NOP9: variants seen among roughly 807,000 people sequenced by gnomAD.
NOP9 encodes NOP9 nucleolar protein, also known as nucleolar protein 9.
Under a neutral mutation model 63.0 loss-of-function variants are expected in NOP9, and 50 were observed. The ratio of observed to expected loss-of-function variants is 0.79; its 90% CI spans 0.63 to 1.00. NOP9 has a LOEUF of 1.00. NOP9 is among the 50% of genes least tolerant of loss of function. NOP9 has a pLI of 0.00. For missense variants in NOP9, 758 were observed against 803.0 expected (o/e 0.94, Z 0.68); for synonymous variants, 343 against 332.8 (o/e 1.03, Z -0.33).
chr14:24,304,429 A>G, intron 8 of NOP9, 64 bp from the exon 9 acceptor site: 1 of 1,457,046 alleles, frequency 6.9e-7, no homozygotes, highest in South Asian at 1.2e-5. Context: ...TTCACTCTCC[A>G]CAAGCCTCCA....
At position 24,300,564 on chromosome 14, in the gene NOP9, C is replaced by A; in HGVS notation, c.404C>A (p.Thr135Asn). Residue 135 changes from threonine (T) to asparagine (N), a missense_variant, in exon 2 of 10, where the codon ACT becomes AAT. By Grantham distance (65) the Thr-to-Asn change is moderately conservative (BLOSUM62 0). Transcript: ENST00000267425. ...VWAALRSNLR[T>N]VACHRCGVHV... is the part of the protein sequence containing the mutation. ...GCTGCTCTGCGCTCTAACTTGCGCACTGTGGCCTGTCACCGATGCGGGGTC... is the reference window on the plus strand; with the variant it reads ...GCTGCTCTGCGCTCTAACTTGCGCAATGTGGCCTGTCACCGATGCGGGGTC... 1 of 1,614,242 alleles carries A rather than the reference C, an allele frequency of 6.2e-7. No individual in the cohort carries two copies. The highest frequency in any genetic ancestry group is 1.7e-5 in the Admixed American group (1 of 60,032).
the NOP9 span, chr14:24,271,557 C>T: frequency 0.17 from 27,880 of 160,410 alleles, 2,809 homozygotes; most frequent in African/African-American, 0.28. Flanking sequence ...CTGGCTAGAG[C>T]GGCGCCACGT....
At chr14:24,277,303 C>A in the NOP9 span, among the ~76,000 whole-genome samples, 1 of 152,096 alleles carries the variant, frequency 6.6e-6, no homozygotes, top group East Asian at 1.9e-4. Context: ...CCTGAGGCAA[C>A]AAGAAATCCT....
At chr14:24,301,846 A>C in intron 3 of NOP9, 119 bp from the exon 4 acceptor site, 1 of 1,448,548 alleles carries the variant, frequency 6.9e-7, no homozygotes, top group Admixed American at 1.7e-5. Flanking sequence ...TGACGTTCAG[A>C]GCACTTTGTA....
the NOP9 span, chr14:24,292,963 C>A: frequency 3.1e-6 from 2 of 641,008 alleles, no homozygotes; most frequent in Non-Finnish European, 4.9e-6. Context: ...GAAAACTGGT[C>A]AAAATAACCA....
At chr14:24,288,912 C>T in the NOP9 span, among the ~76,000 whole-genome samples, 1 of 151,768 alleles carries the variant, frequency 6.6e-6, no homozygotes, top group African/African-American at 2.4e-5. Flanking sequence ...TGATCACGCT[C>T]ACCAAGTCCT....
At chr14:24,281,242 C>T in the NOP9 span, among the ~76,000 whole-genome samples, 1 of 152,184 alleles carries the variant, frequency 6.6e-6, no homozygotes, top group Non-Finnish European at 1.5e-5. Context: ...GGGGCCGAGG[C>T]CAAGGACCGA....
the NOP9 span, among the ~76,000 whole-genome samples, chr14:24,281,655 G>A: frequency 6.6e-6 from 1 of 152,184 alleles, no homozygotes; most frequent in Admixed American, 6.5e-5. Flanking sequence ...GAAACTTCTA[G>A]GAGGTTGAGA....
At chr14:24,282,536 C>T in the NOP9 span, among the ~76,000 whole-genome samples, 1 of 152,158 alleles carries the variant, frequency 6.6e-6, no homozygotes, top group Non-Finnish European at 1.5e-5. Context: ...ACCTTTGCTC[C>T]CTCTTGCTTG....
Position 24,305,221 on chromosome 14 carries a change from G to GT in NOP9, c.*131dup. The GT allele has an allele frequency of 9.4e-7, 1 of 1,062,688 alleles. No individual in the cohort carries two copies. The highest frequency in any genetic ancestry group is 1.3e-6 in the Non-Finnish European group (1 of 789,704). 65.8% of individuals were successfully genotyped at this position (1,062,688 alleles called of 1,614,324 possible). A position where few individuals can be genotyped will look rare whatever the true frequency, so the allele number is the denominator to read the frequency against. ...AATATTTGATATTTTTATTGGAAATGTTTTTGTTAGTTTGAGGGGAAGGGT... is the reference window on the plus strand; with the variant it reads ...AATATTTGATATTTTTATTGGAAATGTTTTTTGTTAGTTTGAGGGGAAGGGT... On this transcript the variant is annotated 3_prime_UTR_variant, in exon 10 of 10. Transcript: ENST00000267425.
At chr14:24,299,773 A>T, upstream of NOP9, 1 of 688,844 alleles carries the variant, frequency 1.5e-6, no homozygotes, top group Non-Finnish European at 2.3e-6. Context: ...ATGGGGGCGG[A>T]GCGATCTGGG....
the NOP9 span, among the ~76,000 whole-genome samples, chr14:24,283,767 CT>C: frequency 6.6e-6 from 1 of 152,286 alleles, no homozygotes; most frequent in Non-Finnish European, 1.5e-5. Flanking sequence ...TGGAGCTCAG[CT>C]CTTTCCCCTA....
the NOP9 span, among the ~76,000 whole-genome samples, chr14:24,276,528 C>G: frequency 5.9e-5 from 9 of 152,130 alleles, no homozygotes; most frequent in Non-Finnish European, 8.8e-5. Flanking sequence ...GGCCTCCAAG[C>G]AATCATCCTG....
At chr14:24,301,784 A>G in intron 3 of NOP9, 62 bp downstream of exon 3, 1 of 1,567,142 alleles carries the variant, frequency 6.4e-7, no homozygotes, top group Non-Finnish European at 8.8e-7. Flanking sequence ...CTTACCACCA[A>G]GCAAGGCCCT....
chr14:24,307,835 G>A lies in NOP9; in HGVS notation c.*2740G>A. 1 of 1,595,570 alleles carries A rather than the reference G, an allele frequency of 6.3e-7. No homozygotes were observed. The highest frequency in any genetic ancestry group is 8.5e-7 in the Non-Finnish European group (1 of 1,170,722). Reference sequence around the variant, plus strand: ...GCAGTCACCTGAGTAAGTCACTGGGGTTCAGAGCTGAGAGGTACTCCATGG... The same window carrying A: ...GCAGTCACCTGAGTAAGTCACTGGGATTCAGAGCTGAGAGGTACTCCATGG... On this transcript the variant is annotated 3_prime_UTR_variant, in exon 10 of 10. Coordinates refer to ENST00000267425, the MANE Select transcript of NOP9 (RefSeq NM_174913.3).
At chr14:24,279,646 C>T in the NOP9 span, among the ~76,000 whole-genome samples, 1 of 152,184 alleles carries the variant, frequency 6.6e-6, no homozygotes, top group Admixed American at 6.5e-5. Flanking sequence ...ACTTCTTGAG[C>T]CAGCCAGAAC....
chr14:24,305,064 G>C lies in NOP9; in HGVS notation c.1880G>C (p.Arg627Thr). The C allele has an allele frequency of 6.3e-7, 1 of 1,580,312 alleles. No homozygotes were observed. The highest frequency in any genetic ancestry group is 1.2e-5 in the South Asian group (1 of 86,760). The change falls in exon 10 of 10, where the codon AGG becomes ACG. Residue 627 changes from arginine to threonine, a missense_variant. Physicochemically the swap from Arg to Thr is moderately conservative, Grantham distance 71. Coordinates refer to ENST00000267425, the MANE Select transcript of NOP9 (RefSeq NM_174913.3). Reference sequence around the variant, plus strand: ...CAGCAGGGTGCGGTGGCCAAGCGGAGGCGGGCATTGAACTCCATACTTGAA... The same window carrying C: ...CAGCAGGGTGCGGTGGCCAAGCGGACGCGGGCATTGAACTCCATACTTGAA... ...EQQQGAVAKR[R>T]RALNSILED
chr14:24,286,858 C>T, the NOP9 span, among the ~76,000 whole-genome samples: 2 of 151,442 alleles, frequency 1.3e-5, no homozygotes, highest in Non-Finnish European at 2.9e-5. Context: ...TCCCAAAGTG[C>T]TGGGATTACA....
At chr14:24,290,726 G>A in the NOP9 span, 355 of 1,184,284 alleles carry the variant, frequency 3.0e-4, no homozygotes, top group African/African-American at 5.0e-3. Flanking sequence ...ACTCACCACG[G>A]ACACACAGCA....
Sources: gnomAD v4.1 joint callset for allele counts (sites outside exome capture counted in the v4.1 genomes callset) on GRCh38, gnomAD v4.1.1 for gene constraint, MANE v1.5 for transcripts, NCBI Gene and HGNC (gene_info 2026-07-23, HGNC 2026-07-21) for gene names.